Variants in FSTL5 observed in about 807,000 individuals in gnomAD.
The protein encoded by FSTL5 is follistatin like 5.
FSTL5 carries 62 observed loss-of-function variants against 89.1 expected under a neutral mutation model. That is an observed-to-expected ratio of 0.70 (90% CI 0.57 to 0.86). FSTL5 has a LOEUF of 0.86. FSTL5 is among the 40% of genes least tolerant of loss of function. The pLI is 0.00. For synonymous variants in FSTL5, 383 were observed against 346.2 expected (o/e 1.11, Z -1.18); for missense variants, 1,057 against 1,001.6 (o/e 1.06, Z -0.75).
At chr4:161,421,415 C>T (rs1415635963) in intron 15 of FSTL5, among the ~76,000 whole-genome samples, 2 of 151,336 alleles carry the variant, frequency 1.3e-5, no homozygotes, top group African/African-American at 2.4e-5. Flanking sequence ...ATTATTTCTT[C>T]TTCTAGTGTA....
intron 13 of FSTL5, among the ~76,000 whole-genome samples, chr4:161,469,292 T>C (rs2126430131): frequency 6.6e-6 from 1 of 152,338 alleles, no homozygotes; most frequent in Admixed American, 6.5e-5. Flanking sequence ...CCATTGCATT[T>C]ATAAAGCATA....
intron 6 of FSTL5, among the ~76,000 whole-genome samples, chr4:161,726,227 C>CTTTTTTTTTTTTTTTTTTTTTTTTTTTT (rs5863477): frequency 2.6e-5 from 3 of 113,678 alleles, no homozygotes; most frequent in Admixed American, 1.1e-4. Flanking sequence ...TTTTCTTTTT[C>CTTTTTTTTTTTTTTTTTTTTTTTTTTTT]TTTTTTTTTT....
chr4:161,643,572 T>G (rs1736040104), intron 7 of FSTL5, among the ~76,000 whole-genome samples: 1 of 151,688 alleles, frequency 6.6e-6, no homozygotes, highest in South Asian at 2.1e-4. Flanking sequence ...TAGAAAAACA[T>G]AGCAGTTAAA....
At chr4:162,099,099 T>C (rs1404886190) in intron 2 of FSTL5, among the ~76,000 whole-genome samples, 1 of 152,106 alleles carries the variant, frequency 6.6e-6, no homozygotes, top group Non-Finnish European at 1.5e-5. Flanking sequence ...AATAATCAAA[T>C]CAGGATAACT....
At chr4:161,963,563 CA>C (rs1285247095) in intron 3 of FSTL5, among the ~76,000 whole-genome samples, 1 of 151,764 alleles carries the variant, frequency 6.6e-6, no homozygotes, top group African/African-American at 2.4e-5. Flanking sequence ...AAAATCATAA[CA>C]AAAAATATGG....
intron 12 of FSTL5, among the ~76,000 whole-genome samples, chr4:161,491,516 C>CT (rs1200718155): frequency 6.6e-6 from 1 of 151,832 alleles, no homozygotes; most frequent in African/African-American, 2.4e-5. Context: ...CTGATCGCTT[C>CT]TTTTTCAGGA....
At chr4:161,454,110 C>T (rs116648687) in intron 15 of FSTL5, among the ~76,000 whole-genome samples, 1 of 152,094 alleles carries the variant, frequency 6.6e-6, no homozygotes, top group Non-Finnish European at 1.5e-5. Context: ...ATAATTCTCA[C>T]AACTGCAATT....
At chr4:161,888,973 T>C (rs1732901957) in intron 4 of FSTL5, among the ~76,000 whole-genome samples, 1 of 152,312 alleles carries the variant, frequency 6.6e-6, no homozygotes, top group Admixed American at 6.5e-5. Context: ...CATTCTTGTG[T>C]TGTAAATTAT....
intron 1 of FSTL5, among the ~76,000 whole-genome samples, chr4:162,138,826 C>A (rs1163205844): frequency 6.6e-6 from 1 of 151,982 alleles, no homozygotes; most frequent in East Asian, 1.9e-4. Context: ...AATCTTTAGA[C>A]TACCACATTC....
intron 4 of FSTL5, among the ~76,000 whole-genome samples, chr4:161,785,096 C>T (rs1393806231): frequency 6.6e-6 from 1 of 151,934 alleles, no homozygotes; most frequent in African/African-American, 2.4e-5. Flanking sequence ...ACTTTGAAAA[C>T]ACAATAGACC....
At chr4:162,125,436 C>T (rs1732041906) in intron 1 of FSTL5, among the ~76,000 whole-genome samples, 1 of 152,082 alleles carries the variant, frequency 6.6e-6, no homozygotes, top group South Asian at 2.1e-4. Flanking sequence ...AGAAAGTAAA[C>T]TATGGTTCTT....
intron 4 of FSTL5, among the ~76,000 whole-genome samples, chr4:161,912,191 G>A (rs1366280673): frequency 2.6e-5 from 4 of 152,118 alleles, no homozygotes; most frequent in Non-Finnish European, 5.9e-5. Context: ...AAAAATAGTT[G>A]TAAAAAGCAT....
At chr4:161,959,909 G>A (rs1735125257) in intron 3 of FSTL5, among the ~76,000 whole-genome samples, 1 of 152,086 alleles carries the variant, frequency 6.6e-6, no homozygotes, top group Admixed American at 6.6e-5. Flanking sequence ...TTGCACAAAA[G>A]ACCAATTCTG....
chr4:161,538,527 TTA>T (rs1731711260), intron 9 of FSTL5, among the ~76,000 whole-genome samples: 1 of 152,190 alleles, frequency 6.6e-6, no homozygotes, highest in African/African-American at 2.4e-5. Flanking sequence ...AATGCATAGT[TTA>T]TGTTTTGTAT....
chr4:161,542,619 C>T lies in FSTL5; in HGVS notation c.1090G>A (p.Ala364Thr). Reference protein sequence around the residue: ...PGVTASLRCHAEGIPKPQLGW... With the variant: ...PGVTASLRCHTEGIPKPQLGW... Reference sequence around the variant, plus strand: ...AGCTGAGGCTTTGGTATGCCCTCTGCATGGCACCTAAGACTGGCAGTTACC... The same window carrying T: ...AGCTGAGGCTTTGGTATGCCCTCTGTATGGCACCTAAGACTGGCAGTTACC... Residue 364 changes from alanine (A) to threonine (T), a missense_variant, in exon 9 of 16, where the codon GCA (alanine) becomes ACA (threonine). By Grantham distance (58) the Ala-to-Thr change is moderately conservative. Coordinates refer to ENST00000306100, the MANE Select transcript of FSTL5 (RefSeq NM_020116.5). The T allele has an allele frequency of 6.4e-7, 1 of 1,569,718 alleles. No individual in the cohort carries two copies. The highest frequency in any genetic ancestry group is 1.2e-5 in the South Asian group (1 of 85,260).
chr4:161,966,087 A>C (rs1379016936), intron 3 of FSTL5, among the ~76,000 whole-genome samples: 1 of 152,132 alleles, frequency 6.6e-6, no homozygotes, highest in Non-Finnish European at 1.5e-5. Flanking sequence ...CACAAAGACA[A>C]CTTGGCTGCA....
chr4:161,569,462 G>A (rs139352506), intron 8 of FSTL5, among the ~76,000 whole-genome samples: 1 of 152,012 alleles, frequency 6.6e-6, no homozygotes, highest in Non-Finnish European at 1.5e-5. Context: ...TTTCAAGGGT[G>A]GGGTAGAAAA....
chr4:161,581,425 C>G (rs1733436361), intron 8 of FSTL5, among the ~76,000 whole-genome samples: 1 of 151,954 alleles, frequency 6.6e-6, no homozygotes, highest in African/African-American at 2.4e-5. Flanking sequence ...CTCACTGTCT[C>G]ACTTTCTAGA....
chr4:161,908,590 C>T (rs1247221325), intron 4 of FSTL5, among the ~76,000 whole-genome samples: 2 of 151,828 alleles, frequency 1.3e-5, no homozygotes, highest in African/African-American at 4.8e-5. Context: ...ATATAAACAC[C>T]AATGACCCTA....
Sources: gnomAD v4.1 joint callset for allele counts (sites outside exome capture counted in the v4.1 genomes callset) on GRCh38, gnomAD v4.1.1 for gene constraint, MANE v1.5 for transcripts, NCBI Gene and HGNC (gene_info 2026-07-23, HGNC 2026-07-21) for gene names.